Variants in RAB5A observed in about 807,000 individuals in gnomAD.
RAB5A encodes the protein ras-related protein Rab-5A.
A neutral mutation model predicts 25.7 loss-of-function variants in RAB5A; 8 were observed. The observed-to-expected ratio is 0.31, with a 90% CI of 0.18 to 0.56. The LOEUF is 0.56. Ranked by LOEUF, RAB5A falls within the 20% of genes least tolerant of loss-of-function variation. The pLI is 0.91. For missense variants in RAB5A, 192 were observed against 259.7 expected (o/e 0.74, Z 1.79); for synonymous variants, 98 against 89.8 (o/e 1.09, Z -0.52).
chr3:19,951,104 C>A (rs1049159601), intron 2 of RAB5A, 43 bp downstream of exon 2: 1 of 1,585,538 alleles, frequency 6.3e-7, no homozygotes, highest in Non-Finnish European at 8.6e-7. Flanking sequence ...TCGAATCATA[C>A]ATTGACAGAA....
chr3:19,980,135 C>T (rs1696895185), intron 5 of RAB5A: 1 of 152,178 alleles, frequency 6.6e-6, no homozygotes. Context: ...TGATAATATA[C>T]TCATTTTACA....
In RAB5A at chr3:19,978,392, T is replaced by C; in HGVS notation, c.521T>C (p.Phe174Ser). 1 of 1,577,936 alleles carries C rather than the reference T, an allele frequency of 6.3e-7. No homozygotes were observed. Among genetic ancestry groups the C allele is most frequent in the Non-Finnish European group, 8.7e-7 (1 of 1,147,532 alleles). Residue 174 changes from phenylalanine to serine, a missense_variant, in exon 5 of 6, where the codon TTC becomes TCC. Around this residue, in one of 3 missense-constraint regions of RAB5A, gnomAD observed 121 missense variants for 135.7 expected, o/e 0.89. Coordinates refer to ENST00000273047, the MANE Select transcript of RAB5A (RefSeq NM_004162.5). The part of the protein sequence containing the change: ...AKTSMNVNEI[F>S]MAIAKKLPKN... ...ACATCAATGAATGTAAATGAAATAT[T>C]CATGGCAATAGGTAAGATTAATATC...
chr3:19,951,644 G>A (rs1317395133), intron 2 of RAB5A, among the ~76,000 whole-genome samples: 1 of 148,384 alleles, frequency 6.7e-6, no homozygotes, highest in South Asian at 2.1e-4. Flanking sequence ...TGATCTTCTT[G>A]CCTTAGCCTC....
chr3:19,982,527 G>T (rs1383672059), intron 5 of RAB5A, among the ~76,000 whole-genome samples: 1 of 152,130 alleles, frequency 6.6e-6, no homozygotes, highest in East Asian at 1.9e-4. Flanking sequence ...GCAGCTGATG[G>T]TTACTCTGCA....
intron 2 of RAB5A, among the ~76,000 whole-genome samples, chr3:19,955,944 A>G (rs1465683664): frequency 6.6e-6 from 1 of 152,106 alleles, no homozygotes; most frequent in Non-Finnish European, 1.5e-5. Context: ...AATTACATGT[A>G]TTATGTACTG....
At chr3:19,983,229 G>A (rs1295990045) in intron 5 of RAB5A, among the ~76,000 whole-genome samples, 5 of 151,486 alleles carry the variant, frequency 3.3e-5, no homozygotes. Flanking sequence ...CCAGCTACTC[G>A]AGAGGCCAAG....
chr3:19,948,788 G>C (rs928364871), intron 1 of RAB5A, among the ~76,000 whole-genome samples: 9 of 151,720 alleles, frequency 5.9e-5, no homozygotes, highest in African/African-American at 2.2e-4. Context: ...TAAAATTTTG[G>C]AAGTGCCGTA....
chr3:19,978,995 T>C (rs1192332843), intron 5 of RAB5A: 4 of 152,200 alleles, frequency 2.6e-5, no homozygotes, highest in Admixed American at 6.5e-5. Flanking sequence ...TTTTTTTTTT[T>C]TGAGACAGTC....
At chr3:19,965,578 T>C (rs1199982425) in intron 2 of RAB5A, among the ~76,000 whole-genome samples, 1 of 152,188 alleles carries the variant, frequency 6.6e-6, no homozygotes, top group Non-Finnish European at 1.5e-5. Flanking sequence ...ATATCCTTTA[T>C]CCTAGACAGT....
intron 5 of RAB5A, 110 bp downstream of exon 5, chr3:19,978,513 ATGTTTATG>A: frequency 1.5e-6 from 1 of 675,826 alleles, no homozygotes; most frequent in Non-Finnish European, 2.7e-6. Flanking sequence ...GTTTGTGTGT[ATGTTTATG>A]TGTGTGTGTG....
At chr3:19,953,940 C>A (rs751818938) in intron 2 of RAB5A, among the ~76,000 whole-genome samples, 1 of 152,146 alleles carries the variant, frequency 6.6e-6, no homozygotes, top group Non-Finnish European at 1.5e-5. Flanking sequence ...GTAGGTAATA[C>A]GTATTTTTGT....
intron 2 of RAB5A, among the ~76,000 whole-genome samples, chr3:19,969,040 T>TTG (rs1553639278): frequency 5.2e-4 from 39 of 74,752 alleles, no homozygotes; most frequent in Admixed American, 2.1e-3. Context: ...GGTTTTTTTT[T>TTG]TTTGGTTTTT....
At chr3:19,959,102 G>A (rs1269017131) in intron 2 of RAB5A, among the ~76,000 whole-genome samples, 1 of 152,180 alleles carries the variant, frequency 6.6e-6, no homozygotes, top group Non-Finnish European at 1.5e-5. Flanking sequence ...TGCTTAATGT[G>A]TTGATGTCCT....
chr3:19,961,498 TAAGGAAAATAATGTGAAA>T (rs1696584446), intron 2 of RAB5A, among the ~76,000 whole-genome samples: 1 of 152,190 alleles, frequency 6.6e-6, no homozygotes, highest in Non-Finnish European at 1.5e-5. Context: ...ATGTATCACT[TAAGGAAAATAATGTGAAA>T]GTATTTTGAG....
Position 19,984,036 on chromosome 3 carries a change from T to G in RAB5A, c.*213T>G. The stretch of plus-strand genomic sequence containing the variant: ...CTAATGTTTCAACAATAGGGAAAAA[T>G]GAGAACTATGTGGACACTTGTTTCA... On this transcript the variant is annotated 3_prime_UTR_variant, in exon 6 of 6. Coordinates refer to ENST00000273047, the MANE Select transcript of RAB5A (RefSeq NM_004162.5). 1 of 502,420 alleles carries G rather than the reference T, an allele frequency of 2.0e-6. No individual in the cohort carries two copies. The highest frequency in any genetic ancestry group is 3.7e-6 in the Non-Finnish European group (1 of 273,840). 31.1% of individuals were successfully genotyped at this position (502,420 alleles called of 1,614,324 possible).
In RAB5A at chr3:19,975,214, C is replaced by CAA. The variant is rs765855763; in HGVS notation, c.164-371_164-370dup. ...GCACTCTAGTCTGAGACTCTTGTAT[C>CAA]AAAAAAAAAAAAAAAAAGAAGAAGG... is the stretch of plus-strand genomic sequence containing the variant. On this transcript the variant is annotated intron_variant, in intron 2 of 5. Transcript: ENST00000273047. Among the ~76,000 whole-genome samples the CAA allele has an allele frequency of 7.3e-3, 833 of 114,644 alleles. 9 individuals are homozygous for CAA. Among genetic ancestry groups the CAA allele is most frequent in the African/African-American group, 0.025 (749 of 29,498 alleles). The allele number at this position is 114,644 out of a possible 152,430, so 75.2% of individuals were successfully genotyped here. A position where few individuals can be genotyped will look rare whatever the true frequency, so the allele number is the denominator to read the frequency against.
chr3:19,972,608 G>A (rs941703172), intron 2 of RAB5A, among the ~76,000 whole-genome samples: 2 of 152,152 alleles, frequency 1.3e-5, no homozygotes, highest in African/African-American at 4.8e-5. Flanking sequence ...TTGCCATAAG[G>A]AAGAATCTCG....
intron 2 of RAB5A, among the ~76,000 whole-genome samples, chr3:19,974,258 G>A (rs915903450): frequency 6.6e-6 from 1 of 151,392 alleles, no homozygotes; most frequent in East Asian, 1.9e-4. Flanking sequence ...GGGTTCAAAC[G>A]ACTCTCCTGC....
In RAB5A at chr3:19,954,423, A is replaced by T. The variant is rs553103823; in HGVS notation, c.163+3362A>T. On this transcript the variant is annotated intron_variant, in intron 2 of 5. Coordinates refer to ENST00000273047, the MANE Select transcript of RAB5A (RefSeq NM_004162.5). ...TTGATTGTGTTCGAAGGTGGATATC[A>T]TATGTTACACTCTTGATTTGTGGAT... Among the ~76,000 whole-genome samples the T allele has an allele frequency of 1.2e-4, 18 of 152,330 alleles. No individual in the cohort carries two copies. The East Asian group carries it at 3.1e-3, about 26-fold the overall frequency.
Sources: allele counts gnomAD v4.1 joint callset (sites outside exome capture counted in the v4.1 genomes callset), GRCh38; gene constraint gnomAD v4.1.1; regional missense constraint gnomAD v4.1.1; transcripts MANE v1.5; gene names NCBI Gene and HGNC (gene_info 2026-07-23, HGNC 2026-07-21).